The following ADAMTS9 variants were observed in gnomAD, a reference collection of about 807,000 sequenced individuals.
The protein encoded by ADAMTS9 is ADAM metallopeptidase with thrombospondin type 1 motif 9.
In ADAMTS9, 107 loss-of-function variants were observed where a neutral mutation model predicts 257.1. The observed-to-expected ratio is 0.42, with a 90% CI of 0.36 to 0.49. The LOEUF (loss-of-function observed/expected upper bound fraction) is 0.49, where lower values mean the gene tolerates loss of function less well. ADAMTS9 is among the 20% of genes least tolerant of loss of function. ADAMTS9 has a pLI of 0.03. For synonymous variants in ADAMTS9, 982 were observed against 880.9 expected, an observed-to-expected ratio of 1.11 and a Z score of -2.03; for missense variants, 2,353 against 2,469.1, an observed-to-expected ratio of 0.95 and a Z score of 1.00.
chr3:64,553,916 A>T (rs35998564), intron 30 of ADAMTS9, among the ~76,000 whole-genome samples: 1 of 152,150 alleles, frequency 6.6e-6, no homozygotes, highest in Non-Finnish European at 1.5e-5. Context: ...TTCATCATTA[A>T]AAAGGTGAGA....
chr3:64,635,346 A>C (rs540649677), intron 12 of ADAMTS9, among the ~76,000 whole-genome samples: 27 of 152,290 alleles, frequency 1.8e-4, no homozygotes, highest in African/African-American at 6.3e-4. Flanking sequence ...CTTCACATGT[A>C]AAACAGAGAC....
At chr3:64,593,003 T>C (rs1021535772) in intron 28 of ADAMTS9, among the ~76,000 whole-genome samples, 4 of 152,186 alleles carry the variant, frequency 2.6e-5, no homozygotes, top group Non-Finnish European at 5.9e-5. Flanking sequence ...TCTTCAAAAA[T>C]GTTCATCTGG....
At chr3:64,625,318 T>A (rs145722139) in intron 16 of ADAMTS9, among the ~76,000 whole-genome samples, 2 of 152,214 alleles carry the variant, frequency 1.3e-5, no homozygotes, top group Non-Finnish European at 2.9e-5. Flanking sequence ...TCATCTTTCA[T>A]TGATGCAGGC....
chr3:64,581,304 C>A (rs549703769), intron 28 of ADAMTS9, among the ~76,000 whole-genome samples: 1 of 152,208 alleles, frequency 6.6e-6, no homozygotes, highest in South Asian at 2.1e-4. Flanking sequence ...GAGCAGTGAG[C>A]TTTTTGGTGG....
rs78492837 is a variant in ADAMTS9 at position 64,677,047 on chromosome 3, C to T, written c.679+4154G>A. Among the ~76,000 whole-genome samples the T allele has an allele frequency of 2.7e-3, 411 of 152,284 alleles. 7 individuals carry two copies. The East Asian group carries it at 0.045, about 17-fold the overall frequency. On this transcript the variant is annotated intron_variant, in intron 3 of 39. Transcript: ENST00000498707. ...GTGTCCGTGAAACAGAACTTGGGATCTCATCTGGAAACAAGCAATGGGAAG... is the reference window on the plus strand; with the variant it reads ...GTGTCCGTGAAACAGAACTTGGGATTTCATCTGGAAACAAGCAATGGGAAG...
chr3:64,651,213 A>G (rs1209544420), intron 8 of ADAMTS9, 50 bp from the exon 9 acceptor site: 4 of 1,487,170 alleles, frequency 2.7e-6, no homozygotes, highest in Non-Finnish European at 3.6e-6. Context: ...CCAAGGGATC[A>G]TGCTGTTCTA....
chr3:64,645,432 G>A (rs925594617), intron 11 of ADAMTS9, among the ~76,000 whole-genome samples: 3 of 152,086 alleles, frequency 2.0e-5, no homozygotes, highest in African/African-American at 7.2e-5. Context: ...AGCAGCCCAA[G>A]ACAGATTACT....
chr3:64,539,518 C>T (rs1285332822), intron 36 of ADAMTS9, among the ~76,000 whole-genome samples: 2 of 152,170 alleles, frequency 1.3e-5, no homozygotes, highest in African/African-American at 4.8e-5. Flanking sequence ...CGAGCTTCAT[C>T]AGCCCCGAAT....
At chr3:64,597,625 TAATTG>T (rs1174582519) in intron 26 of ADAMTS9, among the ~76,000 whole-genome samples, 1 of 152,204 alleles carries the variant, frequency 6.6e-6, no homozygotes, top group Non-Finnish European at 1.5e-5. Context: ...CCAATGAACT[TAATTG>T]AATTTCATCA....
chr3:64,638,946 T>C (rs1700568456), intron 12 of ADAMTS9, among the ~76,000 whole-genome samples: 1 of 152,086 alleles, frequency 6.6e-6, no homozygotes, highest in South Asian at 2.1e-4. Context: ...GAGCTCTCCA[T>C]TATATTGTAA....
intron 26 of ADAMTS9, among the ~76,000 whole-genome samples, chr3:64,598,585 G>A (rs1376118916): frequency 3.3e-5 from 5 of 152,062 alleles, no homozygotes; most frequent in Admixed American, 6.5e-5. Flanking sequence ...CTCCCAAAAT[G>A]CTGGGATTAC....
In ADAMTS9 at chr3:64,686,791, G is replaced by C. The variant is rs183838156; in HGVS notation, c.293C>G (p.Ala98Gly). Residue 98 changes from alanine to glycine, a missense_variant, in exon 2 of 40, where the codon GCG (alanine) becomes GGG (glycine). Physicochemically the swap from Ala to Gly is moderately conservative, Grantham distance 60. Around this residue, in one of 3 missense-constraint regions of ADAMTS9, gnomAD observed 591 missense variants for 569.6 expected, o/e 1.04. Transcript: ENST00000498707. This position sits in a 1 kb window ranked among gnomAD's most constrained non-coding sequence, Gnocchi z 4.6. ...GCCGAAGGCAGAGAGGCGGTAATGC[G>C]CCTGGGAGGAGGTAGAGGAGGAAGA... The part of the protein sequence containing the change: ...SSSSSSTSSQ[A>G]HYRLSAFGQQ... The C allele has an allele frequency of 6.2e-7, 1 of 1,614,160 alleles. No homozygotes were observed. Among genetic ancestry groups the C allele is most frequent in the Non-Finnish European group, 8.5e-7 (1 of 1,180,022 alleles).
intron 9 of ADAMTS9, chr3:64,650,687 G>C (rs1337101333): frequency 4.2e-6 from 1 of 237,930 alleles, no homozygotes; most frequent in Non-Finnish European, 8.0e-6. Flanking sequence ...ATAAATACCT[G>C]TGGCCTTCAT....
intron 19 of ADAMTS9, among the ~76,000 whole-genome samples, chr3:64,617,823 C>T (rs915961001): frequency 6.6e-6 from 1 of 152,132 alleles, no homozygotes; most frequent in Admixed American, 6.5e-5. Flanking sequence ...ACTGGTGTGC[C>T]ATGAATCATC....
At position 64,655,686 on chromosome 3, in the gene ADAMTS9, C is replaced by T. The variant is rs547979831; in HGVS notation, c.1059G>A (p.Gly353=). The change falls in exon 6 of 40, where the codon GGG becomes GGA. Residue 353 remains glycine (G), a synonymous_variant. Coordinates refer to ENST00000498707, the MANE Select transcript of ADAMTS9 (RefSeq NM_182920.2). ...TCTGAGCATTAAAAGATATGGAAGG[C>T]CCATCCTAAATACAGAGAAGAATTA... ...NLIVIHNEQD[G]PSISFNAQTT... The T allele has an allele frequency of 6.2e-7, 1 of 1,613,314 alleles. No individual in the cohort carries two copies. Among genetic ancestry groups the T allele is most frequent in the Non-Finnish European group, 8.5e-7 (1 of 1,179,344 alleles).
intron 31 of ADAMTS9, 79 bp downstream of exon 31, chr3:64,550,813 C>A: frequency 2.6e-6 from 4 of 1,563,482 alleles, no homozygotes; most frequent in Non-Finnish European, 2.6e-6. Flanking sequence ...CACATTCCTG[C>A]ACTCATCCCT....
At chr3:64,669,115 C>T (rs1254150339) in intron 3 of ADAMTS9, among the ~76,000 whole-genome samples, 5 of 152,166 alleles carry the variant, frequency 3.3e-5, no homozygotes, top group Admixed American at 6.5e-5. Context: ...CCCCAATACC[C>T]TGGCCCAGCT....
At chr3:64,532,007 A>G (rs1200398511) in intron 38 of ADAMTS9, among the ~76,000 whole-genome samples, 1 of 152,162 alleles carries the variant, frequency 6.6e-6, no homozygotes. Flanking sequence ...GGGGAGCTTT[A>G]AATTCTACTC....
At chr3:64,520,641 G>C (rs1284278704) in intron 39 of ADAMTS9, among the ~76,000 whole-genome samples, 2 of 151,984 alleles carry the variant, frequency 1.3e-5, no homozygotes, top group East Asian at 3.9e-4. Context: ...CAGAAATAAA[G>C]CTATACATCT....
Sources: allele counts gnomAD v4.1 joint callset (sites outside exome capture counted in the v4.1 genomes callset), GRCh38; gene constraint gnomAD v4.1.1; regional missense constraint gnomAD v4.1.1; non-coding constraint Gnocchi (gnomAD v3.1); transcripts MANE v1.5; gene names NCBI Gene and HGNC (gene_info 2026-07-23, HGNC 2026-07-21).